The following HTR2C variants were observed in gnomAD, a reference collection of about 807,000 sequenced individuals.
HTR2C encodes the protein 5-hydroxytryptamine (serotonin) receptor 2C, G protein-coupled.
A neutral mutation model predicts 21.0 loss-of-function variants in HTR2C; 5 were observed. The observed-to-expected ratio is 0.24, with a 90% CI of 0.12 to 0.50. The LOEUF (loss-of-function observed/expected upper bound fraction) is 0.50. HTR2C is among the 20% of genes least tolerant of loss of function. HTR2C has a pLI of 0.98. For synonymous variants in HTR2C, 150 were observed against 145.3 expected, an observed-to-expected ratio of 1.03 and a Z score of -0.23; for missense variants, 271 against 371.2, an observed-to-expected ratio of 0.73 and a Z score of 2.22.
intron 4 of HTR2C, among the ~76,000 whole-genome samples, chrX:114,829,240 G>GTTT (rs199675444): frequency 0.017 from 1,944 of 111,208 alleles, 46 homozygotes; most frequent in African/African-American, 0.061. Flanking sequence ...TTTTGGTTTT[G>GTTT]TGTTTACGGT....
intron 2 of HTR2C, among the ~76,000 whole-genome samples, chrX:114,700,916 C>A (rs368700067): frequency 9.0e-4 from 100 of 111,566 alleles, no homozygotes; most frequent in African/African-American, 2.7e-3. Context: ...TATCCCGCAC[C>A]TGGCTCGGAG....
chrX:114,805,481 A>AT (rs1365708717), intron 4 of HTR2C, among the ~76,000 whole-genome samples: 3 of 98,959 alleles, frequency 3.0e-5, no homozygotes, highest in Non-Finnish European at 2.0e-5. Flanking sequence ...TAAATTTTAA[A>AT]TTTTGGTGGG....
chrX:114,799,557 C>T (rs1037194527), intron 4 of HTR2C, among the ~76,000 whole-genome samples: 1 of 110,422 alleles, frequency 9.1e-6, no homozygotes, highest in African/African-American at 3.3e-5. Context: ...ATTCTTACCA[C>T]AATGGGCAGA....
chrX:114,674,310 G>T lies in HTR2C; in HGVS notation c.-79-52548G>T, dbSNP rs1432572985. On this transcript the variant is annotated intron_variant, in intron 2 of 5. Transcript: ENST00000276198. ...CTGTTTCTATAGCAACAATTAACAG[G>T]CTAAATGTTAGGATTTGAAACATTC... is the stretch of plus-strand genomic sequence containing the variant. Among the ~76,000 whole-genome samples, 6 of 112,212 alleles carry T rather than the reference G, an allele frequency of 5.3e-5. No homozygotes were observed. In the Admixed American group the frequency reaches 5.7e-4, roughly 11 times the overall value.
At chrX:114,895,432 T>C (rs2071289198) in intron 5 of HTR2C, among the ~76,000 whole-genome samples, 1 of 111,546 alleles carries the variant, frequency 9.0e-6, no homozygotes, top group South Asian at 3.7e-4. Context: ...TTGTGTTCTT[T>C]CTCCTTCCTT....
At chrX:114,842,680 C>T (rs1394641110) in intron 4 of HTR2C, among the ~76,000 whole-genome samples, 2 of 111,881 alleles carry the variant, frequency 1.8e-5, no homozygotes, top group African/African-American at 6.5e-5. Context: ...CCATCAGCCT[C>T]TGAGATTCTG....
At chrX:114,743,659 C>G (rs1351590751) in intron 4 of HTR2C, among the ~76,000 whole-genome samples, 1 of 110,794 alleles carries the variant, frequency 9.0e-6, no homozygotes, top group African/African-American at 3.3e-5. Flanking sequence ...ATTAGAGTCC[C>G]AAAGGGAGAG....
intron 4 of HTR2C, among the ~76,000 whole-genome samples, chrX:114,736,797 T>A (rs781804814): frequency 2.8e-4 from 31 of 112,129 alleles, no homozygotes; most frequent in Non-Finnish European, 5.6e-4. Context: ...TTATAAAAAG[T>A]TCTTTTTGAT....
Position 114,909,723 on chromosome X carries a change from AGTTTG to A in HTR2C, c.*2311_*2315del, listed in dbSNP as rs1389165922. 1 of 112,293 alleles carries A rather than the reference AGTTTG, an allele frequency of 8.9e-6. No individual in the cohort carries two copies. The highest frequency in any genetic ancestry group is 1.9e-5 in the Non-Finnish European group (1 of 53,195). 9.3% of individuals were successfully genotyped at this position (112,293 alleles called of 1,213,427 possible). ...TGTGTGCTATTCGTAAGTTCTGTGC[AGTTTG>A]GTATGAAACAAATATACTCATTTGG... On this transcript the variant is annotated 3_prime_UTR_variant, in exon 6 of 6. Coordinates refer to ENST00000276198, the MANE Select transcript of HTR2C (RefSeq NM_000868.4).
chrX:114,828,876 G>A (rs2070698611), intron 4 of HTR2C, among the ~76,000 whole-genome samples: 1 of 111,986 alleles, frequency 8.9e-6, no homozygotes, highest in South Asian at 3.7e-4. Context: ...TGCTTTCAAA[G>A]TTCAACCATA....
chrX:114,720,661 C>G (rs868982565), intron 2 of HTR2C, among the ~76,000 whole-genome samples: 3 of 46,701 alleles, frequency 6.4e-5, no homozygotes, highest in African/African-American at 2.5e-4. Flanking sequence ...TGCTATCCCT[C>G]CCCCCTCCCC....
At chrX:114,791,394 A>G (rs367927087) in intron 4 of HTR2C, among the ~76,000 whole-genome samples, 1 of 112,056 alleles carries the variant, frequency 8.9e-6, no homozygotes, top group East Asian at 2.8e-4. Context: ...TCGGTCTTTA[A>G]TCCACAGGAA....
intron 4 of HTR2C, among the ~76,000 whole-genome samples, chrX:114,806,266 T>TAC (rs1381485894): frequency 1.0e-5 from 1 of 98,979 alleles, no homozygotes; most frequent in Non-Finnish European, 2.0e-5. Flanking sequence ...ACCACATATA[T>TAC]ACACCATATA....
At chrX:114,663,436 T>C (rs1472232957) in intron 2 of HTR2C, among the ~76,000 whole-genome samples, 7 of 111,908 alleles carry the variant, frequency 6.3e-5, no homozygotes, top group African/African-American at 2.3e-4. Flanking sequence ...CTTATGAAGC[T>C]TTGAGCAAAA....
chrX:114,631,805 C>T (rs1929638355), intron 2 of HTR2C, among the ~76,000 whole-genome samples: 1 of 110,859 alleles, frequency 9.0e-6, no homozygotes, highest in Non-Finnish European at 1.9e-5. Context: ...TCCTGGCCCC[C>T]TTTTTGTCCA....
chrX:114,637,197 A>C lies in HTR2C; in HGVS notation c.-80+23316A>C, dbSNP rs782439309. On this transcript the variant is annotated intron_variant, in intron 2 of 5. Coordinates refer to ENST00000276198, the MANE Select transcript of HTR2C (RefSeq NM_000868.4). ...TACAGAGGCACTTTTAAAAGTGTTA[A>C]ATCAGAGATATGAACAACTGAAAAC... Among the ~76,000 whole-genome samples the C allele has an allele frequency of 2.7e-5, 3 of 111,902 alleles. No homozygotes were observed. In the South Asian group the frequency reaches 1.1e-3, roughly 42 times the overall value.
intron 4 of HTR2C, among the ~76,000 whole-genome samples, chrX:114,764,726 AC>A (rs1185788908): frequency 5.4e-5 from 6 of 111,718 alleles, no homozygotes; most frequent in Non-Finnish European, 1.1e-4. Flanking sequence ...CGCACCTCCT[AC>A]GTTTTCTTCC....
At chrX:114,799,290 A>G (rs2070324080) in intron 4 of HTR2C, among the ~76,000 whole-genome samples, 1 of 110,944 alleles carries the variant, frequency 9.0e-6, no homozygotes, top group African/African-American at 3.3e-5. Context: ...CTGTAGAGAA[A>G]CAATTTCTGC....
intron 4 of HTR2C, among the ~76,000 whole-genome samples, chrX:114,836,301 C>T (rs1368975918): frequency 1.8e-5 from 2 of 111,551 alleles, no homozygotes; most frequent in East Asian, 5.7e-4. Context: ...GCCCCTCCCC[C>T]AGCCTCGCTG....
Sources: allele counts gnomAD v4.1 joint callset (sites outside exome capture counted in the v4.1 genomes callset), GRCh38; gene constraint gnomAD v4.1.1; transcripts MANE v1.5; gene names NCBI Gene and HGNC (gene_info 2026-07-23, HGNC 2026-07-21).